Variants in LRIF1 observed in about 807,000 individuals in gnomAD.
LRIF1 encodes the protein ligand dependent nuclear receptor interacting factor 1.
LRIF1 carries 32 observed loss-of-function variants against 52.7 expected under a neutral mutation model. That is an observed-to-expected ratio of 0.61 (90% CI 0.46 to 0.82). The LOEUF (loss-of-function observed/expected upper bound fraction) is 0.82. Among genes scored for constraint, LRIF1 ranks in the 40% least tolerant of loss-of-function variants. LRIF1 has a pLI of 0.00. For synonymous variants in LRIF1, 323 were observed against 317.4 expected (o/e 1.02, Z -0.19); for missense variants, 887 against 892.0 (o/e 0.99, Z 0.07).
rs1193622066 is a variant in LRIF1 at position 110,951,928 on chromosome 1, T to C, written c.956A>G (p.Lys319Arg). ...SSNNVASKIL[K>R]TFVDRKNLGD... ...CAAATTTTTCCTATCTACAAAAGTT[T>C]TTAAAATCTTTGAAGCCACATTATT... is the stretch of plus-strand genomic sequence containing the variant. Residue 319 changes from lysine to arginine, a missense_variant, in exon 2 of 4, where the codon AAA becomes AGA. Physicochemically the swap from Lys to Arg is conservative, Grantham distance 26. Transcript: ENST00000369763. 1.9e-6 allele frequency: 3 copies of C among 1,613,916 alleles called. No individual in the cohort carries two copies. The highest frequency in any genetic ancestry group is 2.5e-6 in the Non-Finnish European group (3 of 1,180,006).
the LRIF1 span, among the ~76,000 whole-genome samples, chr1:110,903,063 G>A: frequency 3.9e-5 from 6 of 152,166 alleles, no homozygotes; most frequent in African/African-American, 1.2e-4. Context: ...TGCCCATGGA[G>A]GGAGCATTTA....
At chr1:110,935,448 G>A in the LRIF1 span, among the ~76,000 whole-genome samples, 1 of 152,204 alleles carries the variant, frequency 6.6e-6, no homozygotes, top group Non-Finnish European at 1.5e-5. Context: ...ATAACACAGA[G>A]AAGGAATTCA....
chr1:110,948,473 A>G (rs1367163571), intron 3 of LRIF1, 74 bp from the exon 4 acceptor site: 1 of 1,487,788 alleles, frequency 6.7e-7, no homozygotes, highest in African/African-American at 1.4e-5. Flanking sequence ...ACCAAACTTA[A>G]CAACGTCTGC....
chr1:110,909,573 C>CTTTT, the LRIF1 span, among the ~76,000 whole-genome samples: 131 of 78,008 alleles, frequency 1.7e-3, no homozygotes, highest in East Asian at 2.1e-3. Context: ...GCAGGGGTAG[C>CTTTT]TTTTTTTTTT....
rs554689181 is a variant in LRIF1, at chr1:110,947,746, G to T, written c.*213C>A. On this transcript the variant is annotated 3_prime_UTR_variant, in exon 4 of 4. Transcript: ENST00000369763. ...ATAAAATTTATCCTTCCAAAAAAAG[G>T]TATCTAAGACAAAGGTATAGATACC... 24 of 428,518 alleles carry T rather than the reference G, an allele frequency of 5.6e-5. No individual in the cohort carries two copies. The South Asian group carries it at 2.0e-3, about 35-fold the overall frequency. The allele number at this position is 428,518 out of a possible 1,614,324, so 26.5% of individuals were successfully genotyped here.
chr1:110,955,295 G>C (rs186225333), intron 1 of LRIF1, among the ~76,000 whole-genome samples: 1 of 152,178 alleles, frequency 6.6e-6, no homozygotes, highest in East Asian at 1.9e-4. Context: ...CCTTTCATCT[G>C]TTCAATTCTC....
At chr1:110,932,060 T>C in the LRIF1 span, among the ~76,000 whole-genome samples, 1 of 152,218 alleles carries the variant, frequency 6.6e-6, no homozygotes, top group Non-Finnish European at 1.5e-5. Flanking sequence ...TCTTTGCCCA[T>C]GCCTATGTCC....
At chr1:110,899,860 A>G in the LRIF1 span, 1 of 152,600 alleles carries the variant, frequency 6.6e-6, no homozygotes, top group Admixed American at 6.6e-5. Flanking sequence ...TTATCTCTCT[A>G]TCAGATAAGA....
intron 1 of LRIF1, among the ~76,000 whole-genome samples, chr1:110,958,779 T>C (rs1023930141): frequency 2.0e-5 from 3 of 152,200 alleles, no homozygotes; most frequent in Non-Finnish European, 4.4e-5. Flanking sequence ...TATTCATATC[T>C]ATATACTCCG....
chr1:110,879,109 G>A, the LRIF1 span, among the ~76,000 whole-genome samples: 1 of 151,840 alleles, frequency 6.6e-6, no homozygotes, highest in East Asian at 1.9e-4. Context: ...TTCTTGCCCC[G>A]TGTATGTTTT....
the LRIF1 span, among the ~76,000 whole-genome samples, chr1:110,900,315 C>T: frequency 0.43 from 65,560 of 151,980 alleles, 15,724 homozygotes; most frequent in Admixed American, 0.56. Context: ...TTAAAGACAT[C>T]CAAGAAAGGG....
the LRIF1 span, among the ~76,000 whole-genome samples, chr1:110,886,186 T>TC: frequency 3.9e-5 from 6 of 152,174 alleles, no homozygotes; most frequent in Non-Finnish European, 7.3e-5. Flanking sequence ...TCCACTTTCT[T>TC]CCAGCTTGCC....
downstream of LRIF1, among the ~76,000 whole-genome samples, chr1:110,942,927 A>C (rs1238051034): frequency 6.6e-6 from 1 of 152,142 alleles, no homozygotes; most frequent in Non-Finnish European, 1.5e-5. Context: ...ATCCATGAGA[A>C]CTAGGTAAGA....
chr1:110,920,527 G>A, the LRIF1 span, among the ~76,000 whole-genome samples: 12 of 152,204 alleles, frequency 7.9e-5, no homozygotes, highest in African/African-American at 2.9e-4. Context: ...CAGGGGTTAA[G>A]TGGGGAGGGA....
chr1:110,963,875 G>A lies in LRIF1; in HGVS notation c.-187C>T. 2.1e-6 allele frequency: 1 copy of A among 471,760 alleles called. No homozygotes were observed. Among genetic ancestry groups the A allele is most frequent in the Non-Finnish European group, 3.9e-6 (1 of 254,404 alleles). 29.2% of individuals were successfully genotyped at this position (471,760 alleles called of 1,614,324 possible). ...AGGGTGTATCCCCAGGCTTCGGGAC[G>A]AGGTCGCGCACCGCGCAGAAACCGG... On this transcript the variant is annotated 5_prime_UTR_variant, in exon 1 of 4. Coordinates refer to ENST00000369763, the MANE Select transcript of LRIF1 (RefSeq NM_018372.4).
chr1:110,896,617 T>G, the LRIF1 span: 1 of 1,599,230 alleles, frequency 6.3e-7, no homozygotes, highest in Non-Finnish European at 8.6e-7. Context: ...ACTGTTGACT[T>G]TCTAACCATC....
intron 1 of LRIF1, among the ~76,000 whole-genome samples, chr1:110,960,990 C>T (rs576503498): frequency 1.3e-5 from 2 of 152,166 alleles, no homozygotes; most frequent in Admixed American, 1.3e-4. Flanking sequence ...GCAAACAGAA[C>T]CCTTAAGAGC....
the LRIF1 span, among the ~76,000 whole-genome samples, chr1:110,902,001 G>C: frequency 6.6e-6 from 1 of 152,132 alleles, no homozygotes; most frequent in Non-Finnish European, 1.5e-5. Context: ...ATGAAGCTCT[G>C]AGGATTCACC....
the LRIF1 span, among the ~76,000 whole-genome samples, chr1:110,920,583 T>G: frequency 1.2e-4 from 18 of 152,180 alleles, no homozygotes; most frequent in Non-Finnish European, 2.4e-4. Context: ...GCAGTGAGAT[T>G]ATTTCTTATA....
Sources: gnomAD v4.1 joint callset for allele counts (sites outside exome capture counted in the v4.1 genomes callset) on GRCh38, gnomAD v4.1.1 for gene constraint, MANE v1.5 for transcripts, NCBI Gene and HGNC (gene_info 2026-07-23, HGNC 2026-07-21) for gene names.